Variants in MARCHF1 observed in about 807,000 individuals in gnomAD.
The protein encoded by MARCHF1 is membrane associated ring-CH-type finger 1.
MARCHF1 carries 40 observed loss-of-function variants against 54.2 expected under a neutral mutation model. That is an observed-to-expected ratio of 0.74 (90% CI 0.57 to 0.96). The LOEUF (loss-of-function observed/expected upper bound fraction) is 0.96, where lower values mean the gene tolerates loss of function less well. Ranked by LOEUF, MARCHF1 falls within the 40% of genes least tolerant of loss-of-function variation. MARCHF1 has a pLI of 0.00. For missense variants in MARCHF1, 586 were observed against 656.5 expected, an observed-to-expected ratio of 0.89 and a Z score of 1.17; for synonymous variants, 236 against 236.3, an observed-to-expected ratio of 1.00 and a Z score of 0.01.
intron 1 of MARCHF1, among the ~76,000 whole-genome samples, chr4:164,315,603 T>G (rs1364861336): frequency 1.3e-5 from 2 of 152,186 alleles, no homozygotes; most frequent in African/African-American, 4.8e-5. Flanking sequence ...GTCCATTTTA[T>G]GAATGATTTA....
chr4:163,649,921 T>C (rs1742904823), intron 5 of MARCHF1, among the ~76,000 whole-genome samples: 1 of 151,930 alleles, frequency 6.6e-6, no homozygotes, highest in African/African-American at 2.4e-5. Context: ...TGTACTACCA[T>C]TTACATTTAT....
chr4:163,625,236 T>C (rs1018916342), intron 5 of MARCHF1, among the ~76,000 whole-genome samples: 6 of 152,350 alleles, frequency 3.9e-5, no homozygotes, highest in Admixed American at 3.9e-4. Flanking sequence ...CCCATTTTTC[T>C]TTAACTGCAT....
chr4:163,835,675 C>T (rs1749160740), intron 4 of MARCHF1, among the ~76,000 whole-genome samples: 1 of 152,116 alleles, frequency 6.6e-6, no homozygotes, highest in African/African-American at 2.4e-5. Context: ...CGGAGGCTGC[C>T]CAATTCGCGA....
At chr4:163,902,296 T>G (rs1409209858) in intron 3 of MARCHF1, among the ~76,000 whole-genome samples, 1 of 152,118 alleles carries the variant, frequency 6.6e-6, no homozygotes, top group Non-Finnish European at 1.5e-5. Flanking sequence ...AAAAATCTAA[T>G]TAAATATTAA....
At chr4:163,854,432 A>T (rs929361847) in intron 3 of MARCHF1, among the ~76,000 whole-genome samples, 7 of 152,156 alleles carry the variant, frequency 4.6e-5, no homozygotes, top group African/African-American at 1.7e-4. Context: ...AGACAATGAG[A>T]ATTCCTTGTG....
intron 1 of MARCHF1, among the ~76,000 whole-genome samples, chr4:164,280,154 T>G (rs866473502): frequency 4.6e-4 from 70 of 152,098 alleles, no homozygotes; most frequent in South Asian, 4.1e-4. Flanking sequence ...ACAAATTATT[T>G]CAGTTAATAC....
intron 2 of MARCHF1, among the ~76,000 whole-genome samples, chr4:164,009,234 G>A (rs1244860159): frequency 8.6e-5 from 13 of 151,930 alleles, no homozygotes; most frequent in East Asian, 7.7e-4. Flanking sequence ...ATACAACTAC[G>A]AAGATTGAAC....
intron 1 of MARCHF1, among the ~76,000 whole-genome samples, chr4:164,231,377 T>C (rs1732410216): frequency 6.6e-6 from 1 of 152,162 alleles, no homozygotes; most frequent in Non-Finnish European, 1.5e-5. Flanking sequence ...TATGGCATGC[T>C]AAAATTTAGA....
chr4:164,229,215 A>G (rs1036799905), intron 1 of MARCHF1, among the ~76,000 whole-genome samples: 21 of 152,220 alleles, frequency 1.4e-4, no homozygotes, highest in Non-Finnish European at 2.8e-4. Flanking sequence ...CATGTGGACT[A>G]GACTCAGTGT....
chr4:163,682,247 G>C (rs760826032), intron 5 of MARCHF1, among the ~76,000 whole-genome samples: 2 of 152,164 alleles, frequency 1.3e-5, no homozygotes, highest in African/African-American at 4.8e-5. Flanking sequence ...CAAAGTATTC[G>C]AGAGGAAACA....
chr4:163,895,619 C>T (rs1299204096), intron 3 of MARCHF1, among the ~76,000 whole-genome samples: 1 of 152,136 alleles, frequency 6.6e-6, no homozygotes, highest in Non-Finnish European at 1.5e-5. Flanking sequence ...AGAGGGCTTC[C>T]TTCTCTAAGG....
At chr4:163,779,336 G>A (rs181708975) in intron 4 of MARCHF1, among the ~76,000 whole-genome samples, 104 of 152,302 alleles carry the variant, frequency 6.8e-4, no homozygotes, top group Non-Finnish European at 1.3e-3. Flanking sequence ...AGATGGAGAA[G>A]AGGCATGGAA....
chr4:163,708,522 G>T (rs1745014756), intron 4 of MARCHF1, among the ~76,000 whole-genome samples: 1 of 152,036 alleles, frequency 6.6e-6, no homozygotes, highest in South Asian at 2.1e-4. Context: ...AAAATATCAT[G>T]CAGTCATAAA....
intron 4 of MARCHF1, among the ~76,000 whole-genome samples, chr4:163,845,352 C>T (rs1292516379): frequency 6.6e-6 from 1 of 151,956 alleles, no homozygotes; most frequent in Non-Finnish European, 1.5e-5. Flanking sequence ...TCTGTCCTGC[C>T]TGCTCCATTT....
At chr4:163,871,460 A>AC (rs910182988) in intron 3 of MARCHF1, among the ~76,000 whole-genome samples, 7 of 151,964 alleles carry the variant, frequency 4.6e-5, no homozygotes, top group Non-Finnish European at 7.4e-5. Context: ...CTTACTAAGT[A>AC]CCCCCCCACT....
chr4:164,140,070 T>C (rs1257801962), intron 1 of MARCHF1, among the ~76,000 whole-genome samples: 2 of 151,992 alleles, frequency 1.3e-5, no homozygotes, highest in African/African-American at 2.4e-5. Flanking sequence ...TTAAACTTTT[T>C]ACCAGGTTTT....
intron 8 of MARCHF1, chr4:163,585,541 C>T (rs1349572343): frequency 2.6e-6 from 1 of 388,932 alleles, no homozygotes; most frequent in Admixed American, 4.1e-5. Context: ...ATATATCAAT[C>T]AGAAGCTCTA....
chr4:163,780,964 C>G (rs1279342006), intron 4 of MARCHF1, among the ~76,000 whole-genome samples: 1 of 152,168 alleles, frequency 6.6e-6, no homozygotes, highest in Admixed American at 6.5e-5. Flanking sequence ...TCCATCAGAG[C>G]CCGTTGAGAT....
intron 2 of MARCHF1, among the ~76,000 whole-genome samples, chr4:164,007,474 T>C (rs956112212): frequency 3.3e-5 from 5 of 150,654 alleles, no homozygotes; most frequent in African/African-American, 1.2e-4. Context: ...TGGTGTGCAA[T>C]CCACTCATAA....
Sources: allele counts gnomAD v4.1 joint callset (sites outside exome capture counted in the v4.1 genomes callset), GRCh38; gene constraint gnomAD v4.1.1; transcripts MANE v1.5; gene names NCBI Gene and HGNC (gene_info 2026-07-23, HGNC 2026-07-21).